Variants in MOSMO observed in about 807,000 individuals in gnomAD.
The protein encoded by MOSMO is modulator of smoothened protein.
MOSMO carries 5 observed loss-of-function variants against 18.4 expected under a neutral mutation model. That is an observed-to-expected ratio of 0.27 (90% CI 0.14 to 0.57). The LOEUF is 0.57. Among genes scored for constraint, MOSMO ranks in the 20% least tolerant of loss-of-function variants. The probability of loss-of-function intolerance (pLI) is 0.92; values close to 1 mark genes in which losing one functional copy is unlikely to be tolerated. For synonymous variants in MOSMO, 82 were observed against 82.3 expected, an observed-to-expected ratio of 1.00 and a Z score of 0.02; for missense variants, 138 against 211.8, an observed-to-expected ratio of 0.65 and a Z score of 2.16.
intron 1 of MOSMO, among the ~76,000 whole-genome samples, chr16:22,011,339 G>A (rs1899523493): frequency 6.6e-6 from 1 of 152,192 alleles, no homozygotes; most frequent in Non-Finnish European, 1.5e-5. Flanking sequence ...ATAATGTGAA[G>A]GCTTCATTCA....
In MOSMO at chr16:22,046,381, G is replaced by A. The variant is rs138698023; in HGVS notation, c.107-29106G>A. On this transcript the variant is annotated intron_variant, in intron 1 of 2. Coordinates refer to ENST00000542527, the MANE Select transcript of MOSMO (RefSeq NM_001164579.2). ...GGGAAATAGGGTTAGGTTCCTGCAG[G>A]TCTCTGGTCACATTTCATCAACTGA... 9.0e-4 allele frequency among the ~76,000 whole-genome samples: 137 copies of A among 152,070 alleles called. 1 individual carries two copies. The East Asian group carries it at 0.02, about 23-fold the overall frequency.
At chr16:22,061,817 G>A (rs1202851840) in intron 1 of MOSMO, among the ~76,000 whole-genome samples, 1 of 152,176 alleles carries the variant, frequency 6.6e-6, no homozygotes, top group East Asian at 1.9e-4. Flanking sequence ...GCTAATTAAT[G>A]AGGGATTGAT....
chr16:22,020,530 G>T (rs1899737956), intron 1 of MOSMO, among the ~76,000 whole-genome samples: 1 of 151,834 alleles, frequency 6.6e-6, no homozygotes, highest in Non-Finnish European at 1.5e-5. Flanking sequence ...CCCGACCTCG[G>T]GTGATCCACC....
rs1354258504 is a variant in MOSMO, at chr16:22,035,271, G to A, written c.106+26864G>A. 4.6e-5 allele frequency among the ~76,000 whole-genome samples: 7 copies of A among 152,254 alleles called. No individual in the cohort carries two copies. In the East Asian group the frequency reaches 1.4e-3, roughly 29 times the overall value. ...GACAGGAAAGCTAGAGAGGGCTGGA[G>A]TTGGGTATTCAGTTCAGCTCCGGTG... On this transcript the variant is annotated intron_variant, in intron 1 of 2. Transcript: ENST00000542527.
In MOSMO at chr16:22,075,490, C is replaced by T. The variant is rs1176696973; in HGVS notation, c.110C>T (p.Ala37Val). The T allele has an allele frequency of 5.2e-6, 8 of 1,537,070 alleles. No homozygotes were observed. Among genetic ancestry groups the T allele is most frequent in the Admixed American group, 2.0e-5 (1 of 51,012 alleles). ...DWINTGESAGALTVGLVRQCQ... is the reference protein window; with the variant it reads ...DWINTGESAGVLTVGLVRQCQ... ...CCCACCATTTGCATCTCCCCAGGAG[C>T]ACTCACTGTGGGCCTCGTGCGACAG... is the stretch of plus-strand genomic sequence containing the variant. Residue 37 changes from alanine to valine, a missense_variant, in exon 2 of 3, where the codon GCA (alanine) becomes GTA (valine). Physicochemically the swap from Ala to Val is moderately conservative, Grantham distance 64. Transcript: ENST00000542527.
chr16:22,075,168 T>C, intron 1 of MOSMO: 1 of 391,084 alleles, frequency 2.6e-6, no homozygotes, highest in Non-Finnish European at 5.0e-6. Context: ...CCTCATCCTG[T>C]CTGCTGTTAT....
intron 1 of MOSMO, among the ~76,000 whole-genome samples, chr16:22,043,589 A>C (rs763959948): frequency 6.6e-6 from 1 of 152,226 alleles, no homozygotes; most frequent in Non-Finnish European, 1.5e-5. Flanking sequence ...TAAATTAAAC[A>C]GGACTAACAT....
intron 1 of MOSMO, among the ~76,000 whole-genome samples, chr16:22,045,971 C>T (rs960652366): frequency 8.6e-5 from 13 of 151,882 alleles, no homozygotes; most frequent in African/African-American, 3.1e-4. Flanking sequence ...TGGTGTGCCG[C>T]ACCCAGTAAC....
chr16:22,058,598 T>C (rs1256700229), intron 1 of MOSMO, among the ~76,000 whole-genome samples: 1 of 152,018 alleles, frequency 6.6e-6, no homozygotes, highest in East Asian at 1.9e-4. Flanking sequence ...CCACTTGACT[T>C]AGTGATTTCA....
Position 22,082,991 on chromosome 16 carries a change from A to C in MOSMO, c.*2111A>C, listed in dbSNP as rs980887627. The C allele has an allele frequency of 5.3e-5, 8 of 152,172 alleles. No individual in the cohort carries two copies. The highest frequency in any genetic ancestry group is 1.9e-4 in the African/African-American group (8 of 41,442). The allele number at this position is 152,172 out of a possible 1,614,324, so 9.4% of individuals were successfully genotyped here. On this transcript the variant is annotated 3_prime_UTR_variant, in exon 3 of 3. Coordinates refer to ENST00000542527, the MANE Select transcript of MOSMO (RefSeq NM_001164579.2). ...ATTTGGGATTGCAGTTGCTATTCTG[A>C]TTTGATTGGTCCTCAGTCAAATGGA...
At chr16:22,073,473 G>A (rs571403066) in intron 1 of MOSMO, among the ~76,000 whole-genome samples, 2 of 151,710 alleles carry the variant, frequency 1.3e-5, no homozygotes, top group Non-Finnish European at 2.9e-5. Context: ...AAGAGTTCTC[G>A]AGCACTGCTG....
chr16:22,048,002 A>G (rs2141740859), intron 1 of MOSMO, among the ~76,000 whole-genome samples: 1 of 152,320 alleles, frequency 6.6e-6, no homozygotes. Flanking sequence ...CCAGGGAAGA[A>G]AGTGGCCTGA....
chr16:22,062,258 A>G (rs886617266), intron 1 of MOSMO, among the ~76,000 whole-genome samples: 5 of 128,812 alleles, frequency 3.9e-5, no homozygotes, highest in Admixed American at 3.0e-4. Context: ...AAAATAAAAA[A>G]TATATAAAAA....
At position 22,084,327 on chromosome 16, in the gene MOSMO, A is replaced by G. The variant is rs1242844781; in HGVS notation, c.*3447A>G. On this transcript the variant is annotated 3_prime_UTR_variant, in exon 3 of 3. Transcript: ENST00000542527. ...TTCATCTTTAAAAAATTAAATTTAC[A>G]TTCACAATTCAAAACAGTAAGCTGT... The G allele has an allele frequency of 1.3e-5, 2 of 152,212 alleles. No homozygotes were observed. Among genetic ancestry groups the G allele is most frequent in the African/African-American group, 4.8e-5 (2 of 41,460 alleles). The allele number at this position is 152,212 out of a possible 1,614,324, so 9.4% of individuals were successfully genotyped here.
rs1901123664 is a variant in MOSMO, at chr16:22,083,782, C to T, written c.*2902C>T. 1 of 425,040 alleles carries T rather than the reference C, an allele frequency of 2.4e-6. No homozygotes were observed. Among genetic ancestry groups the T allele is most frequent in the Non-Finnish European group, 4.6e-6 (1 of 217,012 alleles). The allele number at this position is 425,040 out of a possible 1,614,324, so 26.3% of individuals were successfully genotyped here. On this transcript the variant is annotated 3_prime_UTR_variant, in exon 3 of 3. Coordinates refer to ENST00000542527, the MANE Select transcript of MOSMO (RefSeq NM_001164579.2). ...TGAATTAGTTTGACATTTTTGGAAG[C>T]TCCTATTGAACATACCCAAACATCT... is the stretch of plus-strand genomic sequence containing the variant.
intron 1 of MOSMO, among the ~76,000 whole-genome samples, chr16:22,069,016 G>A (rs904140088): frequency 1.1e-4 from 16 of 152,124 alleles, no homozygotes; most frequent in Non-Finnish European, 2.1e-4. Flanking sequence ...GGGTCCCCAG[G>A]CTACCTCTGC....
At chr16:22,071,282 G>C (rs531776754) in intron 1 of MOSMO, among the ~76,000 whole-genome samples, 58 of 152,280 alleles carry the variant, frequency 3.8e-4, no homozygotes, top group African/African-American at 1.3e-3. Context: ...ACAGGGAGAT[G>C]GAAGAAGATA....
intron 1 of MOSMO, among the ~76,000 whole-genome samples, chr16:22,065,749 A>AT (rs1284688805): frequency 1.3e-5 from 2 of 152,062 alleles, no homozygotes; most frequent in African/African-American, 4.8e-5. Context: ...TGGTTGTACT[A>AT]TTTTTTTGCT....
At chr16:22,024,166 T>C (rs750904644) in intron 1 of MOSMO, among the ~76,000 whole-genome samples, 4 of 151,974 alleles carry the variant, frequency 2.6e-5, no homozygotes, top group Admixed American at 6.6e-5. Flanking sequence ...AGACAGTTTC[T>C]TTGGTATATT....
Sources: gnomAD v4.1 joint callset for allele counts (sites outside exome capture counted in the v4.1 genomes callset) on GRCh38, gnomAD v4.1.1 for gene constraint, MANE v1.5 for transcripts, NCBI Gene and HGNC (gene_info 2026-07-23, HGNC 2026-07-21) for gene names.